The following GPAM variants were observed in gnomAD, a reference collection of about 807,000 sequenced individuals.
The protein encoded by GPAM is glycerol-3-phosphate acyltransferase, mitochondrial.
A neutral mutation model predicts 105.0 loss-of-function variants in GPAM; 56 were observed. The ratio of observed to expected loss-of-function variants is 0.53; its 90% CI spans 0.43 to 0.67. The LOEUF (loss-of-function observed/expected upper bound fraction) is 0.67. Ranked by LOEUF, GPAM falls within the 30% of genes least tolerant of loss-of-function variation. GPAM has a pLI of 0.00. For missense variants in GPAM, 855 were observed against 989.8 expected, an observed-to-expected ratio of 0.86 and a Z score of 1.83; for synonymous variants, 368 against 354.4, an observed-to-expected ratio of 1.04 and a Z score of -0.43.
At chr10:112,172,431 T>C in intron 8 of GPAM, 113 bp from the exon 9 acceptor site, 1 of 774,948 alleles carries the variant, frequency 1.3e-6, no homozygotes, top group South Asian at 1.4e-5. Flanking sequence ...TGACTCACTC[T>C]TTAAAAACAT....
Position 112,150,198 on chromosome 10 carries a change from T to C in GPAM, c.*3352A>G. 1 of 984,386 alleles carries C rather than the reference T, an allele frequency of 1.0e-6. No homozygotes were observed. Among genetic ancestry groups the C allele is most frequent in the African/African-American group, 1.7e-5 (1 of 57,336 alleles). 61.0% of individuals were successfully genotyped at this position (984,386 alleles called of 1,614,324 possible). ...TCTAAAATAGTTTTAAAAAACAGGT[T>C]TACAGCCCATAGTAAGTCTTAGAAA... is the stretch of plus-strand genomic sequence containing the variant. On this transcript the variant is annotated 3_prime_UTR_variant, in exon 22 of 22. Transcript: ENST00000348367.
intron 1 of GPAM, among the ~76,000 whole-genome samples, chr10:112,195,872 A>G (rs1178010073): frequency 6.6e-6 from 1 of 152,250 alleles, no homozygotes; most frequent in Non-Finnish European, 1.5e-5. Flanking sequence ...GCGATGTGGG[A>G]ACCACAGAGT....
At chr10:112,156,994 A>C in intron 19 of GPAM, 1 of 604,814 alleles carries the variant, frequency 1.7e-6, no homozygotes. Context: ...GCACCTGTGT[A>C]TTTCATAAAA....
intron 11 of GPAM, among the ~76,000 whole-genome samples, chr10:112,166,910 A>T (rs1847228152): frequency 6.6e-6 from 1 of 152,200 alleles, no homozygotes; most frequent in African/African-American, 2.4e-5. Flanking sequence ...TGATCACCAG[A>T]GTCTAAATGT....
At chr10:112,209,575 G>A (rs991155914) in intron 1 of GPAM, among the ~76,000 whole-genome samples, 1 of 152,034 alleles carries the variant, frequency 6.6e-6, no homozygotes, top group Non-Finnish European at 1.5e-5. Flanking sequence ...GCTGATTGTG[G>A]GGAGAAGCCA....
intron 1 of GPAM, among the ~76,000 whole-genome samples, chr10:112,200,050 G>C (rs1847775038): frequency 6.6e-6 from 1 of 151,678 alleles, no homozygotes; most frequent in Admixed American, 6.6e-5. Flanking sequence ...GCATGGCTTG[G>C]AAGACAGCCA....
Position 112,213,771 on chromosome 10 carries a change from CA to C in GPAM, n.210+1396del, listed in dbSNP as rs1847939260. The stretch of plus-strand genomic sequence containing the variant: ...TGATAAGGTTCGACCATGGTGGGTC[CA>C]GAAAACTGAAAGAGTGTTTCTGTGG... On this transcript the variant is annotated intron_variant and non_coding_transcript_variant, in intron 1 of 3. Transcript: ENST00000480130. 2.6e-5 allele frequency among the ~76,000 whole-genome samples: 4 copies of C among 152,166 alleles called. No individual in the cohort carries two copies. The South Asian group carries it at 8.3e-4, about 32-fold the overall frequency.
At position 112,163,073 on chromosome 10, in the gene GPAM, A is replaced by G. The variant is rs775218442; in HGVS notation, c.1423+628T>C. On this transcript the variant is annotated intron_variant, in intron 14 of 21. Transcript: ENST00000348367. The stretch of plus-strand genomic sequence containing the variant: ...CAACTAGGCTGAGCACCAAAGAACC[A>G]CTGTGCTGCCTTGGGATTTTAAAGC... 2.6e-5 allele frequency among the ~76,000 whole-genome samples: 4 copies of G among 152,186 alleles called. No individual in the cohort carries two copies. In the South Asian group the frequency reaches 6.2e-4, roughly 24 times the overall value.
At chr10:112,208,375 T>G (rs895708163) in intron 1 of GPAM, among the ~76,000 whole-genome samples, 5 of 152,338 alleles carry the variant, frequency 3.3e-5, no homozygotes, top group African/African-American at 1.2e-4. Context: ...TGCAACTGCT[T>G]TCTGAGACGG....
intron 21 of GPAM, chr10:112,153,970 A>C (rs1846969761): frequency 3.0e-6 from 1 of 334,674 alleles, no homozygotes; most frequent in Non-Finnish European, 5.6e-6. Flanking sequence ...ATAAAGTCAC[A>C]AACAGTCCCT....
upstream of GPAM, among the ~76,000 whole-genome samples, chr10:112,217,714 G>A (rs1185002904): frequency 6.6e-6 from 1 of 152,128 alleles, no homozygotes; most frequent in Non-Finnish European, 1.5e-5. Flanking sequence ...CTAAGCAAAA[G>A]GAAGGTAGTA....
At chr10:112,179,197 A>T (rs1202800652) in intron 4 of GPAM, among the ~76,000 whole-genome samples, 2 of 152,238 alleles carry the variant, frequency 1.3e-5, no homozygotes, top group East Asian at 3.8e-4. Flanking sequence ...GATCAAGTTC[A>T]ACTCCATCAG....
the GPAM span, among the ~76,000 whole-genome samples, chr10:112,224,277 T>C: frequency 1.3e-5 from 2 of 152,208 alleles, no homozygotes. Flanking sequence ...ATAAGTTAAA[T>C]TATTTCATAC....
chr10:112,207,920 T>C (rs1294249816), intron 1 of GPAM, among the ~76,000 whole-genome samples: 1 of 152,234 alleles, frequency 6.6e-6, no homozygotes, highest in Non-Finnish European at 1.5e-5. Context: ...ATTGAGGTCC[T>C]AGCATGACCT....
chr10:112,209,827 A>C (rs76325958), intron 1 of GPAM, among the ~76,000 whole-genome samples: 5 of 152,358 alleles, frequency 3.3e-5, no homozygotes, highest in African/African-American at 1.2e-4. Flanking sequence ...CTTTCTTTCA[A>C]GACTCATTTT....
At chr10:112,174,099 T>C (rs1024854623) in intron 6 of GPAM, among the ~76,000 whole-genome samples, 2 of 103,218 alleles carry the variant, frequency 1.9e-5, no homozygotes, top group African/African-American at 7.0e-5. Context: ...TCAAATTTAC[T>C]GGGTGAATTT....
upstream of GPAM, among the ~76,000 whole-genome samples, chr10:112,186,947 G>T (rs1393393926): frequency 6.6e-6 from 1 of 152,164 alleles, no homozygotes; most frequent in Non-Finnish European, 1.5e-5. Flanking sequence ...GATGACAACA[G>T]CACAAAGTCC....
chr10:112,223,305 T>C, the GPAM span, among the ~76,000 whole-genome samples: 3 of 152,222 alleles, frequency 2.0e-5, no homozygotes, highest in African/African-American at 7.2e-5. Flanking sequence ...ACTCACACTG[T>C]TGAATAGGTG....
At chr10:112,200,179 T>C (rs1186589184) in intron 1 of GPAM, among the ~76,000 whole-genome samples, 2 of 76,456 alleles carry the variant, frequency 2.6e-5, no homozygotes, top group East Asian at 3.3e-4. Flanking sequence ...TATATATATA[T>C]ATATATATAT....
Sources: allele counts gnomAD v4.1 joint callset (sites outside exome capture counted in the v4.1 genomes callset), GRCh38; gene constraint gnomAD v4.1.1; transcripts MANE v1.5; gene names NCBI Gene and HGNC (gene_info 2026-07-23, HGNC 2026-07-21).